The following PABPN1L variants were observed in gnomAD, a reference collection of about 807,000 sequenced individuals.
PABPN1L encodes the protein PABPN1 like, cytoplasmic.
A neutral mutation model predicts 34.0 loss-of-function variants in PABPN1L; 45 were observed. That is an observed-to-expected ratio of 1.32 (90% CI 1.04 to 1.70). The LOEUF (loss-of-function observed/expected upper bound fraction) is 1.70, where lower values mean the gene tolerates loss of function less well. PABPN1L is among the 40% of genes most tolerant of loss of function. The pLI, the probability that PABPN1L is intolerant of heterozygous loss-of-function variation, is 0.00. For synonymous variants in PABPN1L, 182 were observed against 152.1 expected, an observed-to-expected ratio of 1.20 and a Z score of -1.45; for missense variants, 459 against 367.8, an observed-to-expected ratio of 1.25 and a Z score of -2.03.
At chr16:88,865,420 G>GT in intron 3 of PABPN1L, 143 bp downstream of exon 3, 8 of 1,032,528 alleles carry the variant, frequency 7.7e-6, no homozygotes, top group Non-Finnish European at 1.1e-5. Flanking sequence ...GCCCAGGCCA[G>GT]TGTTTCCTCA....
At position 88,866,351 on chromosome 16, in the gene PABPN1L, C is replaced by G. The variant is rs982652045; in HGVS notation, c.255+1G>C. On this transcript the variant is annotated splice_donor_variant, in intron 1 of 6. Coordinates refer to ENST00000419291, the Ensembl canonical transcript of PABPN1L. LOFTEE classifies it high-confidence loss of function. ...CCCCAGGGCCTCCACACAGCTGTTA[C>G]CTGGTCAGGCAATGGGCACTCAGCC... 105 of 1,549,080 alleles carry G rather than the reference C, an allele frequency of 6.8e-5. 3 individuals are homozygous for G. The East Asian group carries it at 2.5e-3, about 37-fold the overall frequency.
intron 3 of PABPN1L, 112 bp downstream of exon 3, chr16:88,865,451 G>A: frequency 1.5e-6 from 2 of 1,359,030 alleles, no homozygotes; most frequent in Non-Finnish European, 2.0e-6. Flanking sequence ...GCTGCCCCCA[G>A]GGTCAGACCC....
At chr16:88,864,425 A>G (rs1399939188) in intron 5 of PABPN1L, 46 bp from the exon 6 acceptor site, 1 of 1,522,300 alleles carries the variant, frequency 6.6e-7, no homozygotes, top group East Asian at 2.5e-5. Flanking sequence ...AGCAGCCGAG[A>G]CCCAGCTCAC....
exon 7 of PABPN1L, chr16:88,863,499 C>A (rs774172371): frequency 3.4e-6 from 2 of 585,668 alleles, no homozygotes; most frequent in Admixed American, 5.6e-5. Flanking sequence ...CCCAGAGCCC[C>A]GCAGATCCCC....
upstream of PABPN1L, among the ~76,000 whole-genome samples, chr16:88,868,933 A>T (rs940126173): frequency 6.6e-6 from 1 of 152,124 alleles, no homozygotes; most frequent in Non-Finnish European, 1.5e-5. Context: ...TTTGTCCCAT[A>T]CCTGGGAAGA....
chr16:88,863,846 G>T, intron 6 of PABPN1L, 51 bp from the exon 7 acceptor site: 1 of 1,502,590 alleles, frequency 6.7e-7, no homozygotes, highest in Admixed American at 2.0e-5. Flanking sequence ...GAGAAGGGGT[G>T]GTGGCCCAGG....
In PABPN1L at chr16:88,864,949, A is replaced by T. The variant is rs183636129; in HGVS notation, c.567-9T>A. The stretch of plus-strand genomic sequence containing the variant: ...ACTCTATGTAGGCATAACTGAGGGG[A>T]GGGGCAGGGAGGGGAGGGGTGAGGC... On this transcript the variant is annotated splice_polypyrimidine_tract_variant and intron_variant, in intron 4 of 6. Transcript: ENST00000419291. 218 of 755,352 alleles carry T rather than the reference A, an allele frequency of 2.9e-4. No individual in the cohort carries two copies. In the East Asian group the frequency reaches 6.1e-3, roughly 21 times the overall value. The allele number at this position is 755,352 out of a possible 1,614,324, so 46.8% of individuals were successfully genotyped here.
At chr16:88,866,357 C>T (rs924276146) in exon 1 of PABPN1L, 1 of 1,549,652 alleles carries the variant, frequency 6.5e-7, no homozygotes. Context: ...GTTACCTGGT[C>T]AGGCAATGGG....
intron 5 of PABPN1L, among the ~76,000 whole-genome samples, 153 bp downstream of exon 5, chr16:88,864,700 G>T (rs998976503): frequency 6.6e-6 from 1 of 152,126 alleles, no homozygotes. Flanking sequence ...CTTCAGGTCC[G>T]AGGGTCCCGC....
chr16:88,868,332 G>C (rs1291291128), upstream of PABPN1L, among the ~76,000 whole-genome samples: 1 of 152,006 alleles, frequency 6.6e-6, no homozygotes, highest in Admixed American at 6.5e-5. Flanking sequence ...GCCGGGCATG[G>C]TGGCTCACGC....
At chr16:88,867,519 C>T (rs1335509978), upstream of PABPN1L, among the ~76,000 whole-genome samples, 1 of 152,192 alleles carries the variant, frequency 6.6e-6, no homozygotes, top group African/African-American at 2.4e-5. Flanking sequence ...GCGTGAGCAC[C>T]GCACCTGGTC....
At chr16:88,864,159 C>A in intron 6 of PABPN1L, 78 bp downstream of exon 6, 1 of 1,466,150 alleles carries the variant, frequency 6.8e-7, no homozygotes, top group Admixed American at 2.3e-5. Context: ...GAGGAACGAG[C>A]TCAGGGACCC....
upstream of PABPN1L, among the ~76,000 whole-genome samples, chr16:88,867,315 C>T (rs898157382): frequency 1.3e-5 from 2 of 151,770 alleles, no homozygotes; most frequent in African/African-American, 4.8e-5. Context: ...GCAACCTTTG[C>T]CTCCCAGGTT....
intron 1 of PABPN1L, 105 bp from the exon 2 acceptor site, chr16:88,866,046 G>C: frequency 6.9e-7 from 1 of 1,439,166 alleles, no homozygotes; most frequent in Non-Finnish European, 9.1e-7. Flanking sequence ...GCCCCAAGGG[G>C]CAGCCCTTCT....
At chr16:88,864,600 A>T (rs972296228) in intron 5 of PABPN1L, among the ~76,000 whole-genome samples, 1 of 150,914 alleles carries the variant, frequency 6.6e-6, no homozygotes. Context: ...ACCCCTGCAG[A>T]GGGGGGGGTC....
chr16:88,863,871 C>T (rs1259945319), intron 6 of PABPN1L, 76 bp from the exon 7 acceptor site: 1 of 1,423,052 alleles, frequency 7.0e-7, no homozygotes, highest in Admixed American at 2.0e-5. Flanking sequence ...CGGGGGACAA[C>T]AGGATAAGGA....
chr16:88,864,371 C>T (rs1008998899), exon 6 of PABPN1L: 11 of 1,555,256 alleles, frequency 7.1e-6, no homozygotes, highest in African/African-American at 2.7e-5. Context: ...TGGTTCTTTT[C>T]GGCAGCACCT....
intron 6 of PABPN1L, 21 bp downstream of exon 6, chr16:88,864,215 GC>G: frequency 6.6e-7 from 1 of 1,511,110 alleles, no homozygotes; most frequent in Admixed American, 2.0e-5. Context: ...CCCCCAGGCT[GC>G]CCCCACAGGC....
At chr16:88,866,203 T>C in intron 1 of PABPN1L, 149 bp downstream of exon 1, 2 of 1,329,978 alleles carry the variant, frequency 1.5e-6, no homozygotes, top group Non-Finnish European at 2.0e-6. Context: ...GGGCGGGGGG[T>C]CTCCTTGCCA....
Sources: gnomAD v4.1 joint callset for allele counts (sites outside exome capture counted in the v4.1 genomes callset) on GRCh38, gnomAD v4.1.1 for gene constraint, MANE v1.5 for transcripts, NCBI Gene and HGNC (gene_info 2026-07-23, HGNC 2026-07-21) for gene names.